The following SYNE2 variants were observed in gnomAD, a reference collection of about 807,000 sequenced individuals.
SYNE2 encodes spectrin repeat containing nuclear envelope protein 2.
SYNE2 carries 431 observed loss-of-function variants against 856.3 expected under a neutral mutation model. The ratio of observed to expected loss-of-function variants is 0.50; its 90% CI spans 0.47 to 0.55. The LOEUF is 0.55. SYNE2 is among the 20% of genes least tolerant of loss of function. The pLI, the probability that SYNE2 is intolerant of heterozygous loss-of-function variation, is 0.00. For missense variants in SYNE2, 8,129 were observed against 8,023.2 expected (o/e 1.01, Z -0.50); for synonymous variants, 2,923 against 2,872.3 (o/e 1.02, Z -0.56).
At position 64,220,428 on chromosome 14, in the gene SYNE2, C is replaced by G. The variant is rs761296216; in HGVS notation, c.19861-9C>G. On this transcript the variant is annotated splice_polypyrimidine_tract_variant and intron_variant, in intron 110 of 115. Transcript: ENST00000555002. ...GAGCTCCTAACCTCATCTTTTCTCT[C>G]TCTGGTAGGAGATACTGAAAGCCTT... is the stretch of plus-strand genomic sequence containing the variant. The G allele has an allele frequency of 3.1e-6, 5 of 1,613,988 alleles. No homozygotes were observed. In the African/African-American group the frequency reaches 6.7e-5, roughly 22 times the overall value.
chr14:63,971,700 C>G (rs1367314455), intron 11 of SYNE2, among the ~76,000 whole-genome samples: 1 of 151,228 alleles, frequency 6.6e-6, no homozygotes, highest in Non-Finnish European at 1.5e-5. Flanking sequence ...ATCTGAGTTT[C>G]TATTGAGCTC....
Position 64,062,735 on chromosome 14 carries a change from A to G in SYNE2, c.10068-16A>G. 1 of 1,609,008 alleles carries G rather than the reference A, an allele frequency of 6.2e-7. No homozygotes were observed. The highest frequency in any genetic ancestry group is 8.5e-7 in the Non-Finnish European group (1 of 1,175,812). ...TAAAATTTAATACCACTTTTTTTCT[A>G]ACTGTGACTCACTAGGTATCTTGAG... On this transcript the variant is annotated splice_polypyrimidine_tract_variant and intron_variant, in intron 49 of 115. Coordinates refer to ENST00000555002, the MANE Select transcript of SYNE2 (RefSeq NM_182914.3).
Position 64,162,105 on chromosome 14 carries a change from G to C in SYNE2, c.16128G>C (p.Gln5376His), listed in dbSNP as rs756962109. 1.9e-6 allele frequency: 3 copies of C among 1,614,202 alleles called. No homozygotes were observed. Among genetic ancestry groups the C allele is most frequent in the South Asian group, 2.2e-5 (2 of 91,086 alleles). ...AGGTGAACCAAGCCATTGCAGACCA[G>C]TTGCAGAAGGCCCAGAGTCTGCTCC... is the stretch of plus-strand genomic sequence containing the variant. The part of the protein sequence containing the change: ...WTQVNQAIAD[Q>H]LQKAQSLLQL... The change falls in exon 88 of 116, where the codon CAG becomes CAC. Residue 5376 changes from glutamine (Q) to histidine (H), a missense_variant. Physicochemically the swap from Gln to His is conservative, Grantham distance 24 (BLOSUM62 0). Around this residue, in one of 3 missense-constraint regions of SYNE2, gnomAD observed 5,410 missense variants for 5,284.8 expected, o/e 1.02. Transcript: ENST00000555002.
intron 49 of SYNE2, among the ~76,000 whole-genome samples, chr14:64,059,117 T>C (rs1359823074): frequency 6.6e-6 from 1 of 152,214 alleles, no homozygotes; most frequent in Non-Finnish European, 1.5e-5. Context: ...TATTTTGAAT[T>C]CTCTGTCTGA....
intron 2 of SYNE2, among the ~76,000 whole-genome samples, chr14:63,919,060 A>G (rs957819185): frequency 2.0e-5 from 3 of 152,186 alleles, no homozygotes; most frequent in Non-Finnish European, 4.4e-5. Context: ...ACTTCATCAC[A>G]TAATTATAAT....
chr14:63,948,782 G>GTGTGTGTGTCTA (rs1454688156), intron 6 of SYNE2, among the ~76,000 whole-genome samples: 47 of 43,898 alleles, frequency 1.1e-3, no homozygotes, highest in African/African-American at 3.8e-3. Context: ...ATGTGTGTGT[G>GTGTGTGTGTCTA]TATATATATA....
At chr14:63,869,326 C>T (rs1168327471) in intron 1 of SYNE2, among the ~76,000 whole-genome samples, 3 of 152,062 alleles carry the variant, frequency 2.0e-5, no homozygotes, top group Non-Finnish European at 4.4e-5. Flanking sequence ...ACTTTTTCAT[C>T]TTAAAAATAC....
intron 1 of SYNE2, among the ~76,000 whole-genome samples, chr14:63,895,111 T>G (rs1294220809): frequency 3.5e-5 from 1 of 28,910 alleles, no homozygotes; most frequent in Non-Finnish European, 1.1e-4. Flanking sequence ...TTTCTTTTCT[T>G]TTTTTTTTTT....
chr14:64,190,762 TG>T, intron 99 of SYNE2: 1 of 655,792 alleles, frequency 1.5e-6, no homozygotes, highest in South Asian at 1.7e-5. Context: ...GATGTGGATT[TG>T]GGCGCAGCCC....
At chr14:63,860,800 C>G (rs1354491479) in intron 1 of SYNE2, among the ~76,000 whole-genome samples, 1 of 152,168 alleles carries the variant, frequency 6.6e-6, no homozygotes, top group Non-Finnish European at 1.5e-5. Context: ...GTCAATGTCT[C>G]TTGCCACTTG....
At chr14:63,923,167 A>G (rs1057009044) in intron 2 of SYNE2, among the ~76,000 whole-genome samples, 1 of 152,156 alleles carries the variant, frequency 6.6e-6, no homozygotes, top group Non-Finnish European at 1.5e-5. Flanking sequence ...TGTGAGAAGG[A>G]GGAGAGACAA....
rs114508894 is a variant in SYNE2, at chr14:64,052,510, C to T, written c.8597C>T (p.Thr2866Met). Residue 2866 changes from threonine to methionine, a missense_variant, in exon 48 of 116, where the codon ACG becomes ATG. Around this residue, in one of 3 missense-constraint regions of SYNE2, gnomAD observed 5,410 missense variants for 5,284.8 expected, o/e 1.02. Transcript: ENST00000555002. ...ATTCCCAGGGTGGAGACAGCTGCCA[C>T]GGAAGCTGAACTAAAACATCACCAT... ...LIIPRVETAA[T>M]EAELKHHHVT... 3,709 of 1,614,076 alleles carry T rather than the reference C, an allele frequency of 2.3e-3. 70 individuals carry two copies. In the African/African-American group the frequency reaches 0.044, roughly 19 times the overall value.
chr14:64,046,926 ACAG>A (rs2097190413), intron 45 of SYNE2, among the ~76,000 whole-genome samples: 1 of 152,210 alleles, frequency 6.6e-6, no homozygotes. Flanking sequence ...AAGGGGTATT[ACAG>A]CGCTCCTTTA....
At chr14:64,100,531 A>AAAAAAAAAAAAATATATAT (rs1491537041) in intron 63 of SYNE2, among the ~76,000 whole-genome samples, 2 of 39,494 alleles carry the variant, frequency 5.1e-5, no homozygotes, top group Non-Finnish European at 4.7e-5. Flanking sequence ...AAAAAAAAAA[A>AAAAAAAAAAAAATATATAT]ATATATATAT....
chr14:63,829,200 G>T (rs1889574240), intron 1 of SYNE2, among the ~76,000 whole-genome samples: 1 of 151,924 alleles, frequency 6.6e-6, no homozygotes, highest in African/African-American at 2.4e-5. Context: ...ATCGTTTGAG[G>T]CCAGGAGTTC....
At chr14:63,803,002 G>A (rs1161227483) in intron 1 of SYNE2, among the ~76,000 whole-genome samples, 1 of 152,170 alleles carries the variant, frequency 6.6e-6, no homozygotes, top group African/African-American at 2.4e-5. Flanking sequence ...TCCACAGTGT[G>A]GAAGGGCACC....
chr14:64,146,319 T>A, intron 84 of SYNE2, 96 bp downstream of exon 84: 2 of 1,157,994 alleles, frequency 1.7e-6, no homozygotes, highest in Non-Finnish European at 2.4e-6. Context: ...TTGTGGAAAC[T>A]CTCTTCCAGC....
chr14:64,123,868 TCACACACA>T (rs34459065), intron 70 of SYNE2, among the ~76,000 whole-genome samples: 4 of 148,172 alleles, frequency 2.7e-5, no homozygotes, highest in African/African-American at 1.0e-4. Context: ...ATTAATGATT[TCACACACA>T]CACACACACA....
chr14:63,809,920 C>G (rs1888549230), intron 1 of SYNE2, among the ~76,000 whole-genome samples: 2 of 152,160 alleles, frequency 1.3e-5, no homozygotes, highest in African/African-American at 4.8e-5. Flanking sequence ...AATCCATTCT[C>G]TCTCCTTATC....
Sources: allele counts gnomAD v4.1 joint callset (sites outside exome capture counted in the v4.1 genomes callset), GRCh38; gene constraint gnomAD v4.1.1; regional missense constraint gnomAD v4.1.1; transcripts MANE v1.5; gene names NCBI Gene and HGNC (gene_info 2026-07-23, HGNC 2026-07-21).